The following HERC6 variants were observed in gnomAD, a reference collection of about 807,000 sequenced individuals.
HERC6 encodes HECT and RLD domain containing E3 ubiquitin protein ligase family member 6, also known as probable E3 ubiquitin-protein ligase HERC6.
Under a neutral mutation model 114.5 loss-of-function variants are expected in HERC6, and 101 were observed. That is an observed-to-expected ratio of 0.88 (90% CI 0.75 to 1.04). The LOEUF (loss-of-function observed/expected upper bound fraction) is 1.04, where lower values mean the gene tolerates loss of function less well. Ranked by LOEUF, HERC6 falls within the 50% of genes least tolerant of loss-of-function variation. The pLI is 0.00. For missense variants in HERC6, 1,133 were observed against 1,230.9 expected (o/e 0.92, Z 1.19); for synonymous variants, 408 against 436.2 (o/e 0.94, Z 0.81).
At chr4:88,397,504 C>T (rs948267434) in intron 7 of HERC6, among the ~76,000 whole-genome samples, 1 of 151,828 alleles carries the variant, frequency 6.6e-6, no homozygotes, top group African/African-American at 2.4e-5. Flanking sequence ...TCAAGACCAG[C>T]CTGGCCAACA....
chr4:88,439,196 G>T (rs1274366207), intron 20 of HERC6, among the ~76,000 whole-genome samples: 1 of 152,092 alleles, frequency 6.6e-6, no homozygotes, highest in Non-Finnish European at 1.5e-5. Context: ...CAAGACCTAT[G>T]AACGGGGCCA....
intron 2 of HERC6, among the ~76,000 whole-genome samples, chr4:88,383,763 CAAAAAAAAAA>C (rs753643806): frequency 2.3e-3 from 67 of 28,728 alleles, no homozygotes; most frequent in Non-Finnish European, 2.8e-3. Context: ...GACTCAGTCT[CAAAAAAAAAA>C]AAAAAAAAAA....
intron 13 of HERC6, among the ~76,000 whole-genome samples, chr4:88,423,638 C>T (rs1252626266): frequency 6.6e-6 from 1 of 152,208 alleles, no homozygotes; most frequent in East Asian, 1.9e-4. Flanking sequence ...CTAATCCACA[C>T]TGTCAGCGTC....
At chr4:88,440,316 G>A in intron 22 of HERC6, 66 bp downstream of exon 22, 1 of 964,124 alleles carries the variant, frequency 1.0e-6, no homozygotes, top group East Asian at 2.6e-5. Flanking sequence ...GTCTTGTTTA[G>A]AATGAAGCCA....
chr4:88,428,460 T>TATAATTACAATGTGA (rs1426745179), intron 15 of HERC6, 120 bp from the exon 16 acceptor site: 3 of 667,964 alleles, frequency 4.5e-6, no homozygotes, highest in Non-Finnish European at 7.1e-6. Context: ...AATGTGAATG[T>TATAATTACAATGTGA]TTATAGCAAT....
chr4:88,408,651 A>G (rs746562684), intron 11 of HERC6, 34 bp downstream of exon 11: 1 of 1,314,972 alleles, frequency 7.6e-7, no homozygotes, highest in Non-Finnish European at 1.1e-6. Context: ...ATATAGAACA[A>G]ATACGATTGC....
At chr4:88,432,106 C>T (rs1402391887) in intron 17 of HERC6, among the ~76,000 whole-genome samples, 1 of 152,094 alleles carries the variant, frequency 6.6e-6, no homozygotes, top group Non-Finnish European at 1.5e-5. Flanking sequence ...CAACATGATG[C>T]CACAAGTGGG....
rs10670260 is a variant in HERC6 at position 88,379,687 on chromosome 4, AAT to A, written c.199+573_199+574del. Among the ~76,000 whole-genome samples the A allele has an allele frequency of 3.6e-3, 155 of 43,110 alleles. 2 individuals are homozygous for A. In the East Asian group the frequency reaches 0.041, roughly 11 times the overall value. 28.3% of individuals were successfully genotyped at this position (43,110 alleles called of 152,430 possible). A position where few individuals can be genotyped will look rare whatever the true frequency, so the allele number is the denominator to read the frequency against. On this transcript the variant is annotated intron_variant, in intron 1 of 22. Coordinates refer to ENST00000264346, the MANE Select transcript of HERC6 (RefSeq NM_017912.4). ...TATATATAATATATAAATATATACA[AAT>A]ATATAATATATAAATATATAATATA...
Position 88,440,258 on chromosome 4 carries a change from C to T in HERC6, c.2842+8C>T, listed in dbSNP as rs751406276. On this transcript the variant is annotated splice_region_variant and intron_variant, in intron 22 of 22. Coordinates refer to ENST00000264346, the MANE Select transcript of HERC6 (RefSeq NM_017912.4). ...AAAAGAAAAAATTCCTCTGTAAGTACTGTGGTACTAGATGGACACATAATT... is the reference window on the plus strand; with the variant it reads ...AAAAGAAAAAATTCCTCTGTAAGTATTGTGGTACTAGATGGACACATAATT... 6.3e-6 allele frequency: 9 copies of T among 1,426,422 alleles called. No homozygotes were observed. The South Asian group carries it at 9.6e-5, about 15-fold the overall frequency. 88.4% of individuals were successfully genotyped at this position (1,426,422 alleles called of 1,614,324 possible).
At position 88,398,204 on chromosome 4, in the gene HERC6, C is replaced by G. The variant is rs756457951; in HGVS notation, c.1087C>G (p.His363Asp). The change falls in exon 8 of 23, where the codon CAT (histidine) becomes GAT (aspartate). Residue 363 changes from histidine (H) to aspartate (D), a missense_variant. His to Asp is a moderately conservative substitution (Grantham distance 81). Transcript: ENST00000264346. ...AACATATGCCAACTTTGTGACAACT[C>G]ATCAGGTATCTATTATACTTTTTGT... The part of the protein sequence containing the change: ...AGTYANFVTT[H>D]QDTSSTRAPG... 6.3e-7 allele frequency: 1 copy of G among 1,580,666 alleles called. No homozygotes were observed. The highest frequency in any genetic ancestry group is 2.3e-5 in the East Asian group (1 of 44,164).
At chr4:88,424,128 A>G (rs1737349940) in intron 14 of HERC6, among the ~76,000 whole-genome samples, 155 bp downstream of exon 14, 1 of 152,196 alleles carries the variant, frequency 6.6e-6, no homozygotes, top group African/African-American at 2.4e-5. Context: ...TGAAAACTTA[A>G]ATATATTTTA....
Position 88,437,737 on chromosome 4 carries a change from C to T in HERC6, c.2511C>T (p.Asp837=). 6.2e-7 allele frequency: 1 copy of T among 1,606,984 alleles called. No individual in the cohort carries two copies. The change falls in exon 20 of 23, where the codon GAC becomes GAT. Residue 837 remains aspartate, a synonymous_variant. Transcript: ENST00000264346. ...TACACTGGGACCAAAATGATGTTGA[C>T]TTAATTCCAAATGGGATCTCCATAC... ...FSIHWDQNDV[D]LIPNGISIPV...
At chr4:88,421,106 G>A (rs1313464692) in intron 13 of HERC6, among the ~76,000 whole-genome samples, 2 of 152,208 alleles carry the variant, frequency 1.3e-5, no homozygotes, top group Non-Finnish European at 2.9e-5. Flanking sequence ...CTATGTTGGA[G>A]TATGTATGAG....
At chr4:88,408,834 T>C (rs1735942447) in intron 11 of HERC6, among the ~76,000 whole-genome samples, 2 of 152,144 alleles carry the variant, frequency 1.3e-5, no homozygotes, top group Admixed American at 6.6e-5. Flanking sequence ...ACAGAATTAT[T>C]ACTCAAATCA....
At position 88,381,886 on chromosome 4, in the gene HERC6, T is replaced by G. The variant is rs574744134; in HGVS notation, c.200-1335T>G. 9.9e-5 allele frequency among the ~76,000 whole-genome samples: 15 copies of G among 152,208 alleles called. No individual in the cohort carries two copies. The East Asian group carries it at 2.7e-3, about 27-fold the overall frequency. On this transcript the variant is annotated intron_variant, in intron 1 of 22. Coordinates refer to ENST00000264346, the MANE Select transcript of HERC6 (RefSeq NM_017912.4). ...TTTTCTTGGTGCCAGAGATGGGAGC[T>G]TCTCACAAAAGGATATTTATGACCT...
intron 13 of HERC6, among the ~76,000 whole-genome samples, chr4:88,421,375 C>A (rs1259233713): frequency 6.6e-6 from 1 of 152,114 alleles, no homozygotes; most frequent in African/African-American, 2.4e-5. Context: ...TTTTCCAAAG[C>A]AGCTACACCA....
intron 10 of HERC6, among the ~76,000 whole-genome samples, chr4:88,408,020 A>G (rs1735893455): frequency 6.6e-6 from 1 of 152,238 alleles, no homozygotes; most frequent in South Asian, 2.1e-4. Context: ...CAAAGAATCT[A>G]TGGGCACAAA....
chr4:88,440,298 A>C, intron 22 of HERC6, 48 bp downstream of exon 22: 1 of 1,081,104 alleles, frequency 9.2e-7, no homozygotes, highest in Non-Finnish European at 1.4e-6. Context: ...ATCTTTTAAA[A>C]AGGTACAGTC....
chr4:88,394,192 T>C (rs2148879582), intron 5 of HERC6, among the ~76,000 whole-genome samples: 2 of 152,284 alleles, frequency 1.3e-5, no homozygotes, highest in Middle Eastern at 6.8e-3. Context: ...ATTAGGTTAA[T>C]AGCTGGGTGT....
Sources: allele counts gnomAD v4.1 joint callset (sites outside exome capture counted in the v4.1 genomes callset), GRCh38; gene constraint gnomAD v4.1.1; transcripts MANE v1.5; gene names NCBI Gene and HGNC (gene_info 2026-07-23, HGNC 2026-07-21).